The following CDK5RAP2 variants were observed in gnomAD, a reference collection of about 807,000 sequenced individuals.
CDK5RAP2 encodes CDK5 regulatory subunit associated protein 2, also known as CDK5 regulatory subunit-associated protein 2.
A neutral mutation model predicts 232.9 loss-of-function variants in CDK5RAP2; 147 were observed. The observed-to-expected ratio is 0.63, with a 90% confidence interval of 0.55 to 0.72. The LOEUF (loss-of-function observed/expected upper bound fraction) is 0.72. Ranked by LOEUF, CDK5RAP2 falls within the 30% of genes least tolerant of loss-of-function variation. The pLI is 0.00. For missense variants in CDK5RAP2, 2,195 were observed against 2,231.5 expected (o/e 0.98, Z 0.33); for synonymous variants, 833 against 833.7 (o/e 1.00, Z 0.01).
Position 120,403,312 on chromosome 9 carries a change from C to T in CDK5RAP2, c.5042-241G>A, listed in dbSNP as rs2131276354. On this transcript the variant is annotated intron_variant, in intron 33 of 37. Coordinates refer to ENST00000349780, the MANE Select transcript of CDK5RAP2 (RefSeq NM_018249.6). This position sits in a 1 kb window ranked among gnomAD's most constrained non-coding sequence, Gnocchi z 4.2. The stretch of plus-strand genomic sequence containing the variant: ...AACTCAACCAACACTTATCAACCAC[C>T]CACTCGGCAGAAGACCCCAGATTCA... 3 of 525,510 alleles carry T rather than the reference C, an allele frequency of 5.7e-6. No individual in the cohort carries two copies. The East Asian group carries it at 1.0e-4, about 18-fold the overall frequency. 32.6% of individuals were successfully genotyped at this position (525,510 alleles called of 1,614,324 possible).
rs746002741 is a variant in CDK5RAP2 at position 120,407,096 on chromosome 9, C to G, written c.4879G>C (p.Ala1627Pro). The change falls in exon 32 of 38, where the codon GCA becomes CCA. Residue 1627 changes from alanine (A) to proline (P), a missense_variant. Coordinates refer to ENST00000349780, the MANE Select transcript of CDK5RAP2 (RefSeq NM_018249.6). The part of the protein sequence containing the change: ...SRLKEQLARG[A>P]EKAQEGALTL... The stretch of plus-strand genomic sequence containing the variant: ...AGGGCTCCTTCCTGTGCCTTCTCTG[C>G]CCCCCTTGCCAGCTGTTCCTTGAGC... The G allele has an allele frequency of 1.9e-6, 3 of 1,613,908 alleles. No individual in the cohort carries two copies. The African/African-American group carries it at 4.0e-5, about 22-fold the overall frequency.
chr9:120,460,496 C>T (rs2037022252), intron 19 of CDK5RAP2, 76 bp downstream of exon 19: 1 of 1,362,522 alleles, frequency 7.3e-7, no homozygotes, highest in East Asian at 2.3e-5. Flanking sequence ...ACCCACTGGA[C>T]TCATTCCAGA....
At chr9:120,515,189 A>C (rs1281978298) in intron 12 of CDK5RAP2, among the ~76,000 whole-genome samples, 1 of 152,196 alleles carries the variant, frequency 6.6e-6, no homozygotes, top group East Asian at 1.9e-4. Context: ...CTAAAAAAAA[A>C]GGTCATCTAA....
At position 120,539,109 on chromosome 9, in the gene CDK5RAP2, C is replaced by T. The variant is rs376900972; in HGVS notation, c.439G>A (p.Glu147Lys). Reference sequence around the variant, plus strand: ...TGCTGCACCTTCTTTCGAGCATCTTCTTTCACCCGCTGGATTTCAGAGCCA... The same window carrying T: ...TGCTGCACCTTCTTTCGAGCATCTTTTTTCACCCGCTGGATTTCAGAGCCA... The part of the protein sequence containing the change: ...AGGSEIQRVK[E>K]DARKKVQQVE... Residue 147 changes from glutamate (E) to lysine (K), a missense_variant, in exon 6 of 38, where the codon GAA (glutamate) becomes AAA (lysine). Coordinates refer to ENST00000349780, the MANE Select transcript of CDK5RAP2 (RefSeq NM_018249.6). 4 of 1,613,914 alleles carry T rather than the reference C, an allele frequency of 2.5e-6. No individual in the cohort carries two copies. In the East Asian group the frequency reaches 8.9e-5, roughly 36 times the overall value.
At chr9:120,475,513 C>T (rs1293710673) in intron 15 of CDK5RAP2, among the ~76,000 whole-genome samples, 1 of 152,134 alleles carries the variant, frequency 6.6e-6, no homozygotes, top group Non-Finnish European at 1.5e-5. Context: ...AGAAGCTGCG[C>T]AATTGAAATG....
chr9:120,393,365 TGCAGTCCAAACACTG>T (rs1031374824), intron 36 of CDK5RAP2, among the ~76,000 whole-genome samples: 1 of 152,210 alleles, frequency 6.6e-6, no homozygotes, highest in African/African-American at 2.4e-5. Context: ...TCCTCTCTTT[TGCAGTCCAAACACTG>T]GCAGTCTCAC....
At chr9:120,518,793 T>C (rs772878303) in intron 11 of CDK5RAP2, 148 bp from the exon 12 acceptor site, 12 of 663,130 alleles carry the variant, frequency 1.8e-5, no homozygotes, top group East Asian at 5.4e-5. Context: ...GCAAAAATAA[T>C]AGGAAGATTT....
chr9:120,413,811 G>A (rs1437870774), intron 28 of CDK5RAP2, among the ~76,000 whole-genome samples: 1 of 135,390 alleles, frequency 7.4e-6, no homozygotes, highest in Admixed American at 7.3e-5. Flanking sequence ...AGTGAGCGAG[G>A]AGGGAGGAGG....
chr9:120,547,974 G>GCTT (rs1425554801), intron 4 of CDK5RAP2, among the ~76,000 whole-genome samples: 2 of 152,210 alleles, frequency 1.3e-5, no homozygotes. Context: ...AGAAAGCAAT[G>GCTT]CTTCTCCTTT....
intron 12 of CDK5RAP2, among the ~76,000 whole-genome samples, chr9:120,494,640 G>C (rs779786897): frequency 1.3e-5 from 2 of 152,032 alleles, no homozygotes; most frequent in Non-Finnish European, 2.9e-5. Context: ...GGAGGAAGAG[G>C]ACAGCTCTTC....
intron 6 of CDK5RAP2, among the ~76,000 whole-genome samples, chr9:120,537,999 C>G (rs1019623570): frequency 6.6e-6 from 1 of 152,208 alleles, no homozygotes; most frequent in Non-Finnish European, 1.5e-5. Context: ...AAAGCACTTA[C>G]AGGGAAAAAC....
At chr9:120,455,461 C>T (rs913108884) in intron 20 of CDK5RAP2, among the ~76,000 whole-genome samples, 16 of 151,778 alleles carry the variant, frequency 1.1e-4, no homozygotes, top group African/African-American at 3.4e-4. Context: ...TGACTCCAGG[C>T]CAGGCATCAT....
intron 15 of CDK5RAP2, among the ~76,000 whole-genome samples, chr9:120,475,579 A>C (rs2037962795): frequency 6.8e-6 from 1 of 146,124 alleles, no homozygotes; most frequent in Non-Finnish European, 1.5e-5. Context: ...AGTGCCCCCC[A>C]CTGCTCGCTC....
chr9:120,453,675 T>C lies in CDK5RAP2; in HGVS notation c.2574A>G (p.Val858=). The change falls in exon 21 of 38, where the codon GTA becomes GTG. Residue 858 remains valine (V), a synonymous_variant. Transcript: ENST00000349780. ...CTACCTTGGGCACTTCGCCTGCCTTTACTAGCTGGGCCTCACAAGACAACT... is the reference window on the plus strand; with the variant it reads ...CTACCTTGGGCACTTCGCCTGCCTTCACTAGCTGGGCCTCACAAGACAACT... ...ELKLSCEAQL[V]KAGEVPKVGL... is the part of the protein sequence containing the mutation. 2 of 1,614,256 alleles carry C rather than the reference T, an allele frequency of 1.2e-6. No individual in the cohort carries two copies. Among genetic ancestry groups the C allele is most frequent in the Non-Finnish European group, 1.7e-6 (2 of 1,180,044 alleles).
At chr9:120,464,038 G>A (rs1362328687) in intron 18 of CDK5RAP2, among the ~76,000 whole-genome samples, 1 of 152,112 alleles carries the variant, frequency 6.6e-6, no homozygotes, top group Non-Finnish European at 1.5e-5. Context: ...CTGCAAGCTG[G>A]CTTCTGTCCC....
At chr9:120,492,426 T>C (rs879657090) in intron 12 of CDK5RAP2, among the ~76,000 whole-genome samples, 2 of 152,172 alleles carry the variant, frequency 1.3e-5, no homozygotes, top group Non-Finnish European at 2.9e-5. Flanking sequence ...TGACTGCCTA[T>C]AAGGTATAAG....
chr9:120,555,907 T>G (rs1025202919), intron 3 of CDK5RAP2, among the ~76,000 whole-genome samples: 1 of 152,180 alleles, frequency 6.6e-6, no homozygotes, highest in Non-Finnish European at 1.5e-5. Flanking sequence ...TCAAAGACAT[T>G]ATGCTGAGGC....
intron 8 of CDK5RAP2, 172 bp from the exon 9 acceptor site, chr9:120,528,969 TTGAA>T (rs1334334528): frequency 1.1e-5 from 7 of 639,180 alleles, no homozygotes; most frequent in Non-Finnish European, 1.7e-5. Context: ...CCTGCCTGAT[TTGAA>T]TGAAGAAAAA....
chr9:120,545,626 CA>C (rs1322214416), intron 5 of CDK5RAP2, 87 bp downstream of exon 5: 1 of 998,732 alleles, frequency 1.0e-6, no homozygotes, highest in Non-Finnish European at 1.6e-6. Context: ...AGATGGAAAC[CA>C]ACTGTCTTAG....
Sources: gnomAD v4.1 joint callset for allele counts (sites outside exome capture counted in the v4.1 genomes callset) on GRCh38, gnomAD v4.1.1 for gene constraint, Gnocchi (gnomAD v3.1) non-coding constraint, MANE v1.5 for transcripts, NCBI Gene and HGNC (gene_info 2026-07-23, HGNC 2026-07-21) for gene names.